The following VAC14 variants were observed in gnomAD, a reference collection of about 807,000 sequenced individuals.
VAC14 encodes the protein VAC14 component of PIKFYVE complex, also known as protein VAC14 homolog.
In VAC14, 47 loss-of-function variants were observed where a neutral mutation model predicts 85.3. The observed-to-expected ratio is 0.55, with a 90% CI of 0.44 to 0.70. VAC14 has a LOEUF of 0.70. VAC14 is among the 30% of genes least tolerant of loss of function. The probability of loss-of-function intolerance (pLI) is 0.00; values close to 1 mark genes in which losing one functional copy is unlikely to be tolerated. For missense variants in VAC14, 861 were observed against 1,004.3 expected (o/e 0.86, Z 1.93); for synonymous variants, 447 against 430.5 (o/e 1.04, Z -0.47).
intron 13 of VAC14, among the ~76,000 whole-genome samples, chr16:70,737,853 C>T (rs1487137043): frequency 2.0e-5 from 3 of 152,230 alleles, no homozygotes; most frequent in African/African-American, 7.2e-5. Context: ...TTCAACAGAA[C>T]CAGATGTGAA....
At chr16:70,742,512 G>C (rs1294868023) in intron 13 of VAC14, among the ~76,000 whole-genome samples, 2 of 152,282 alleles carry the variant, frequency 1.3e-5, no homozygotes, top group Non-Finnish European at 2.9e-5. Context: ...CCGAGGGACA[G>C]AGGGTGGGAG....
At chr16:70,697,770 G>A (rs946043661) in intron 15 of VAC14, among the ~76,000 whole-genome samples, 6 of 152,332 alleles carry the variant, frequency 3.9e-5, no homozygotes, top group East Asian at 1.9e-4. Flanking sequence ...AGGCCTCTGC[G>A]AATGTCTGGA....
intron 12 of VAC14, among the ~76,000 whole-genome samples, chr16:70,753,052 CAGAT>C (rs2031529136): frequency 2.8e-5 from 4 of 143,114 alleles, no homozygotes; most frequent in Non-Finnish European, 6.2e-5. Flanking sequence ...GTGTGTCAGA[CAGAT>C]GGACAGATAA....
At chr16:70,721,551 G>T (rs926879404) in intron 14 of VAC14, among the ~76,000 whole-genome samples, 2 of 152,248 alleles carry the variant, frequency 1.3e-5, no homozygotes, top group East Asian at 3.9e-4. Flanking sequence ...AAATAACCCT[G>T]GGTAGGATGG....
At chr16:70,689,565 C>G in intron 18 of VAC14, 2 of 985,732 alleles carry the variant, frequency 2.0e-6, no homozygotes, top group Non-Finnish European at 2.4e-6. Flanking sequence ...CTCCTGCACC[C>G]CTGCTCAGCT....
At chr16:70,729,350 C>T (rs943943472) in intron 14 of VAC14, among the ~76,000 whole-genome samples, 1 of 152,166 alleles carries the variant, frequency 6.6e-6, no homozygotes, top group Non-Finnish European at 1.5e-5. Context: ...GTGGCCAGAC[C>T]ATCAGAAGCC....
chr16:70,769,656 T>C (rs1370720445), intron 10 of VAC14: 1 of 152,214 alleles, frequency 6.6e-6, no homozygotes, highest in Non-Finnish European at 1.5e-5. Context: ...GAATGACAAG[T>C]ATAAACCAAA....
chr16:70,715,511 C>A (rs2054145456), intron 14 of VAC14: 1 of 152,450 alleles, frequency 6.6e-6, no homozygotes, highest in Non-Finnish European at 1.5e-5. Flanking sequence ...CTGCCCAGCA[C>A]AGCAGCAGCG....
intron 12 of VAC14, among the ~76,000 whole-genome samples, chr16:70,744,846 C>T (rs1031874891): frequency 1.3e-5 from 2 of 152,192 alleles, no homozygotes; most frequent in African/African-American, 4.8e-5. Flanking sequence ...AGTCAGCTTC[C>T]CCACGATCCC....
chr16:70,786,282 G>C lies in VAC14; in HGVS notation c.188C>G (p.Ser63Cys). ...IQTLSQEFAL[S>C]QHPHSRKGGL... ...CCCTTTCCGGCTGTGGGGGTGCTGA[G>C]ACAGGGCAAACTCCTGGGACAGGGT... is the stretch of plus-strand genomic sequence containing the variant. Residue 63 changes from serine (S) to cysteine (C), a missense_variant, in exon 2 of 19, where the codon TCT becomes TGT. Ser to Cys is a moderately radical substitution (Grantham distance 112, BLOSUM62 -1). This residue lies in a region of VAC14 where 629 missense variants were observed against 703.1 expected (regional missense o/e 0.89). Coordinates refer to ENST00000261776, the MANE Select transcript of VAC14 (RefSeq NM_018052.5). 6.2e-7 allele frequency: 1 copy of C among 1,614,236 alleles called. No homozygotes were observed.
At chr16:70,711,424 C>T (rs2054032271) in intron 14 of VAC14, among the ~76,000 whole-genome samples, 1 of 152,102 alleles carries the variant, frequency 6.6e-6, no homozygotes, top group East Asian at 1.9e-4. Context: ...CCCACCCCCA[C>T]CTGTGCAGAG....
chr16:70,709,758 C>T (rs1211217063), intron 14 of VAC14, among the ~76,000 whole-genome samples: 3 of 152,198 alleles, frequency 2.0e-5, no homozygotes, highest in African/African-American at 7.2e-5. Context: ...GCCTGAGGTC[C>T]AGGCTGGGGA....
chr16:70,712,003 C>T (rs1241606014), intron 14 of VAC14, among the ~76,000 whole-genome samples: 1 of 152,116 alleles, frequency 6.6e-6, no homozygotes, highest in African/African-American at 2.4e-5. Flanking sequence ...TGGGCCACAG[C>T]ATGGCTGGGA....
At position 70,762,260 on chromosome 16, in the gene VAC14, A is replaced by C. The variant is rs1465841632; in HGVS notation, c.1371+280T>G. 6.6e-6 allele frequency among the ~76,000 whole-genome samples: 1 copy of C among 152,062 alleles called. No homozygotes were observed. Among genetic ancestry groups the C allele is most frequent in the Non-Finnish European group, 1.5e-5 (1 of 68,012 alleles). The stretch of plus-strand genomic sequence containing the variant: ...GCAGCTGGGAGTACAGGCGTGCACC[A>C]CCACGCCCGGCTAATTTTTGTATTT... On this transcript the variant is annotated intron_variant, in intron 12 of 18. Transcript: ENST00000261776. The surrounding 1 kb of genome is among the most constrained non-coding windows in gnomAD (Gnocchi z 4.1).
intron 12 of VAC14, among the ~76,000 whole-genome samples, chr16:70,758,085 T>A (rs140969857): frequency 2.8e-4 from 43 of 152,198 alleles, no homozygotes; most frequent in African/African-American, 1.0e-3. Flanking sequence ...GTACTCATCA[T>A]AAGTGAATAA....
At chr16:70,705,893 G>GC (rs1270596989) in intron 14 of VAC14, among the ~76,000 whole-genome samples, 1 of 152,194 alleles carries the variant, frequency 6.6e-6, no homozygotes, top group Non-Finnish European at 1.5e-5. Context: ...CCCATGAGAG[G>GC]CAAGAGTGTG....
chr16:70,702,722 G>A (rs1173151764), intron 14 of VAC14, among the ~76,000 whole-genome samples: 1 of 152,234 alleles, frequency 6.6e-6, no homozygotes, highest in African/African-American at 2.4e-5. Context: ...GCAAGGCTCA[G>A]GGCAGAGGGT....
In VAC14 at chr16:70,776,161, C is replaced by T. The variant is rs565017929; in HGVS notation, c.1097-3989G>A. Among the ~76,000 whole-genome samples, 3 of 152,272 alleles carry T rather than the reference C, an allele frequency of 2.0e-5. No individual in the cohort carries two copies. In the South Asian group the frequency reaches 6.2e-4, roughly 32 times the overall value. On this transcript the variant is annotated intron_variant, in intron 9 of 18. Coordinates refer to ENST00000261776, the MANE Select transcript of VAC14 (RefSeq NM_018052.5). ...CATTCTCTCCCCCAGGCTGTAGTGG[C>T]GTGATCATGGCTCACTGCAGCCTCG... is the stretch of plus-strand genomic sequence containing the variant.
intron 12 of VAC14, among the ~76,000 whole-genome samples, chr16:70,746,866 G>A (rs8058025): frequency 1.3e-5 from 2 of 152,122 alleles, no homozygotes; most frequent in Non-Finnish European, 2.9e-5. Context: ...AGGAAATGGA[G>A]GTGGGGGGAG....
Sources: allele counts gnomAD v4.1 joint callset (sites outside exome capture counted in the v4.1 genomes callset), GRCh38; gene constraint gnomAD v4.1.1; regional missense constraint gnomAD v4.1.1; non-coding constraint Gnocchi (gnomAD v3.1); transcripts MANE v1.5; gene names NCBI Gene and HGNC (gene_info 2026-07-23, HGNC 2026-07-21).